The following UBAP2 variants were observed in gnomAD, a reference collection of about 807,000 sequenced individuals.
The protein encoded by UBAP2 is ubiquitin associated protein 2.
In UBAP2, 75 loss-of-function variants were observed where a neutral mutation model predicts 139.6. The observed-to-expected ratio is 0.54, with a 90% CI of 0.45 to 0.65. UBAP2 has a LOEUF of 0.65. Among genes scored for constraint, UBAP2 ranks in the 30% least tolerant of loss-of-function variants. UBAP2 has a pLI of 0.00. For missense variants in UBAP2, 1,368 were observed against 1,369.6 expected, an observed-to-expected ratio of 1.00 and a Z score of 0.02; for synonymous variants, 526 against 526.2, an observed-to-expected ratio of 1.00 and a Z score of 0.01.
At chr9:33,952,856 T>C (rs141273068) in intron 12 of UBAP2, 7 of 154,964 alleles carry the variant, frequency 4.5e-5, no homozygotes, top group Middle Eastern at 5.4e-4. Flanking sequence ...TGGACTAAGA[T>C]CTACTGTAGA....
At chr9:34,012,854 T>TA (rs979440475) in intron 2 of UBAP2, among the ~76,000 whole-genome samples, 6 of 149,280 alleles carry the variant, frequency 4.0e-5, no homozygotes, top group African/African-American at 1.2e-4. Context: ...TTTTTTTTTT[T>TA]AAATTGAGGT....
At chr9:33,969,780 C>T (rs1459554482) in intron 8 of UBAP2, among the ~76,000 whole-genome samples, 2 of 151,134 alleles carry the variant, frequency 1.3e-5, no homozygotes, top group African/African-American at 4.9e-5. Context: ...GCAAGAGAAT[C>T]GCTTGAACCT....
intron 16 of UBAP2, among the ~76,000 whole-genome samples, chr9:33,937,411 A>C (rs895382019): frequency 1.3e-5 from 2 of 152,042 alleles, no homozygotes; most frequent in Non-Finnish European, 2.9e-5. Context: ...GATCGAGACC[A>C]GCCTAGCCAA....
chr9:33,950,883 T>C (rs1826037629), intron 12 of UBAP2, among the ~76,000 whole-genome samples: 1 of 152,210 alleles, frequency 6.6e-6, no homozygotes, highest in East Asian at 1.9e-4. Context: ...TTTTAAAATG[T>C]ATACAATACA....
At chr9:34,028,553 G>A (rs1010258286) in intron 1 of UBAP2, among the ~76,000 whole-genome samples, 1 of 151,606 alleles carries the variant, frequency 6.6e-6, no homozygotes, top group Non-Finnish European at 1.5e-5. Flanking sequence ...CTAATTTTTT[G>A]TATTTTTGGT....
chr9:34,042,477 C>CAAAAA (rs10713651), intron 1 of UBAP2, among the ~76,000 whole-genome samples: 2 of 106,190 alleles, frequency 1.9e-5, no homozygotes, highest in Non-Finnish European at 1.9e-5. Flanking sequence ...GACTCCGTCT[C>CAAAAA]AAAAAAAAAA....
At chr9:33,997,132 C>T (rs1402966636) in intron 3 of UBAP2, 1 of 152,164 alleles carries the variant, frequency 6.6e-6, no homozygotes, top group Non-Finnish European at 1.5e-5. Context: ...TATCACAAAA[C>T]ACACTCCTAG....
Position 33,971,646 on chromosome 9 carries a change from CT to C in UBAP2, c.679+4del. 1 of 1,566,348 alleles carries C rather than the reference CT, an allele frequency of 6.4e-7. No individual in the cohort carries two copies. The highest frequency in any genetic ancestry group is 8.8e-7 in the Non-Finnish European group (1 of 1,136,362). ...ACTCATCTCTGGCAAAAACAGAACA[CT>C]TACCAGTTCCCTCATCTGCACCATT... is the stretch of plus-strand genomic sequence containing the variant. On this transcript the variant is annotated splice_donor_region_variant and intron_variant, in intron 8 of 28. Coordinates refer to ENST00000379238, the MANE Select transcript of UBAP2 (RefSeq NM_001370062.2).
In UBAP2 at chr9:33,944,468, A is replaced by C. The variant is rs745387923; in HGVS notation, c.1442T>G (p.Leu481Trp). 6 of 1,614,142 alleles carry C rather than the reference A, an allele frequency of 3.7e-6. No individual in the cohort carries two copies. Reference sequence around the variant, plus strand: ...TTCAATGGTCGTGCTGGGAAGCTGCAAAAGCTTGTTCACAGTGGAGGGACT... The same window carrying C: ...TTCAATGGTCGTGCTGGGAAGCTGCCAAAGCTTGTTCACAGTGGAGGGACT... ...GDSPSTVNKLLQLPSTTIENI... is the reference protein window; with the variant it reads ...GDSPSTVNKLWQLPSTTIENI... The change falls in exon 14 of 29, where the codon TTG becomes TGG. Residue 481 changes from leucine to tryptophan, a missense_variant. Coordinates refer to ENST00000379238, the MANE Select transcript of UBAP2 (RefSeq NM_001370062.2).
intron 15 of UBAP2, among the ~76,000 whole-genome samples, chr9:33,942,977 A>C (rs1825365821): frequency 1.3e-5 from 2 of 152,196 alleles, no homozygotes; most frequent in African/African-American, 4.8e-5. Flanking sequence ...AGCATGCAAA[A>C]CTTGAAACCA....
intron 6 of UBAP2, among the ~76,000 whole-genome samples, chr9:33,980,816 G>A (rs1587605650): frequency 6.6e-6 from 1 of 151,226 alleles, no homozygotes; most frequent in African/African-American, 2.4e-5. Context: ...GCATAGTAGC[G>A]TGCACCTGTA....
intron 1 of UBAP2, among the ~76,000 whole-genome samples, chr9:34,021,839 G>C (rs540325645): frequency 1.3e-5 from 2 of 152,132 alleles, no homozygotes; most frequent in South Asian, 4.2e-4. Flanking sequence ...TCAACTTGTT[G>C]GTCAGGCTGG....
rs757395958 is a variant in UBAP2, at chr9:33,926,650, G to A, written c.2478C>T (p.Asp826=). The A allele has an allele frequency of 2.2e-5, 36 of 1,614,172 alleles. No individual in the cohort carries two copies. The highest frequency in any genetic ancestry group is 3.3e-4 in the Middle Eastern group (2 of 6,062). Residue 826 remains aspartate (D), a synonymous_variant, in exon 22 of 29, where the codon GAC becomes GAT. Coordinates refer to ENST00000379238, the MANE Select transcript of UBAP2 (RefSeq NM_001370062.2). ...GCCGTGACTGCAGCATCTGGAGCTC[G>A]TCATAGCCATAGATCTGTGTGAGAA... The part of the protein sequence containing the change: ...LLPAYPIYGY[D]ELQMLQSRLP...
intron 8 of UBAP2, chr9:33,968,326 T>A: frequency 1.7e-6 from 1 of 586,400 alleles, no homozygotes; most frequent in Non-Finnish European, 3.4e-6. Flanking sequence ...GATGCCCATG[T>A]TCATCGGTCA....
At chr9:33,955,224 C>T (rs752721700) in intron 11 of UBAP2, among the ~76,000 whole-genome samples, 17 of 151,170 alleles carry the variant, frequency 1.1e-4, no homozygotes, top group South Asian at 2.1e-4. Context: ...AAATAGCAAC[C>T]ATTAAAAAAG....
chr9:33,995,548 T>A lies in UBAP2; in HGVS notation c.288+675A>T, dbSNP rs1477961781. 2.5e-5 allele frequency: 3 copies of A among 118,202 alleles called. No homozygotes were observed. In the East Asian group the frequency reaches 6.3e-4, roughly 25 times the overall value. The allele number at this position is 118,202 out of a possible 1,614,324, so 7.3% of individuals were successfully genotyped here. ...AAATATATTTATATTATTAAATATA[T>A]TATTAAATAATTTAATTTAATTTAA... On this transcript the variant is annotated intron_variant, in intron 4 of 28. Coordinates refer to ENST00000379238, the MANE Select transcript of UBAP2 (RefSeq NM_001370062.2).
At chr9:33,980,739 T>C (rs1298618647) in intron 6 of UBAP2, among the ~76,000 whole-genome samples, 1 of 151,924 alleles carries the variant, frequency 6.6e-6, no homozygotes, top group Non-Finnish European at 1.5e-5. Context: ...GCGGGTTGTT[T>C]GAGCTCAAGA....
At position 33,922,795 on chromosome 9, in the gene UBAP2, G is replaced by C; in HGVS notation, c.3156C>G (p.Ala1052=). 1 of 1,563,194 alleles carries C rather than the reference G, an allele frequency of 6.4e-7. No individual in the cohort carries two copies. Among genetic ancestry groups the C allele is most frequent in the Admixed American group, 1.9e-5 (1 of 53,266 alleles). Reference sequence around the variant, plus strand: ...GTGCATAGCCAGGGGCCGCTCCCGAGGCCAGGGGCCCAGTGGAGCCCAAGA... The same window carrying C: ...GTGCATAGCCAGGGGCCGCTCCCGACGCCAGGGGCCCAGTGGAGCCCAAGA... ...PSVLGSTGPL[A]SGAAPGYAPP... The change falls in exon 28 of 29, where the codon GCC becomes GCG. Residue 1052 remains alanine (A), a synonymous_variant. Coordinates refer to ENST00000379238, the MANE Select transcript of UBAP2 (RefSeq NM_001370062.2).
At chr9:34,022,703 G>C (rs1185075074) in intron 1 of UBAP2, among the ~76,000 whole-genome samples, 1 of 151,922 alleles carries the variant, frequency 6.6e-6, no homozygotes, top group Non-Finnish European at 1.5e-5. Flanking sequence ...CCTCCAAAGT[G>C]CTGGGATTAC....
Sources: allele counts gnomAD v4.1 joint callset (sites outside exome capture counted in the v4.1 genomes callset), GRCh38; gene constraint gnomAD v4.1.1; transcripts MANE v1.5; gene names NCBI Gene and HGNC (gene_info 2026-07-23, HGNC 2026-07-21).